Variants in SLIT3 observed in about 807,000 individuals in gnomAD.
SLIT3 encodes slit homolog 3 protein.
In SLIT3, 68 loss-of-function variants were observed where a neutral mutation model predicts 184.0. The observed-to-expected ratio is 0.37, with a 90% CI of 0.30 to 0.45. The LOEUF is 0.45. SLIT3 is among the 20% of genes least tolerant of loss of function. The pLI, the probability that SLIT3 is intolerant of heterozygous loss-of-function variation, is 1.00. For missense variants in SLIT3, 1,707 were observed against 2,026.0 expected (o/e 0.84, Z 3.02); for synonymous variants, 831 against 828.6 (o/e 1.00, Z -0.05).
chr5:169,186,823 A>G (rs928336332), intron 4 of SLIT3, among the ~76,000 whole-genome samples: 3 of 151,630 alleles, frequency 2.0e-5, no homozygotes, highest in Non-Finnish European at 4.4e-5. Flanking sequence ...TGGAAGCTGG[A>G]GTCTAGCAGC....
At chr5:169,110,483 T>C (rs1004844036) in intron 4 of SLIT3, among the ~76,000 whole-genome samples, 1 of 152,120 alleles carries the variant, frequency 6.6e-6, no homozygotes, top group African/African-American at 2.4e-5. Flanking sequence ...ACTTTAGGTG[T>C]TCGTTGTCTT....
intron 4 of SLIT3, among the ~76,000 whole-genome samples, chr5:169,162,953 G>A (rs1762524591): frequency 6.6e-6 from 1 of 152,116 alleles, no homozygotes; most frequent in South Asian, 2.1e-4. Context: ...AGAGAATGGG[G>A]AACTTGAACC....
intron 8 of SLIT3, among the ~76,000 whole-genome samples, chr5:168,811,451 T>C (rs1018814894): frequency 1.3e-5 from 2 of 152,214 alleles, no homozygotes; most frequent in Admixed American, 6.5e-5. Context: ...TGTGCTCTTC[T>C]TTCTGTCTGC....
At position 168,950,870 on chromosome 5, in the gene SLIT3, C is replaced by T. The variant is rs144831162; in HGVS notation, c.414-67534G>A. On this transcript the variant is annotated intron_variant, in intron 4 of 35. Transcript: ENST00000519560. ...TGCCTCTCATGGCTCAGCACAGTGT[C>T]GGATTCCATAAGTTGCATACTAGCC... is the stretch of plus-strand genomic sequence containing the variant. Among the ~76,000 whole-genome samples, 9 of 152,300 alleles carry T rather than the reference C, an allele frequency of 5.9e-5. No homozygotes were observed. In the East Asian group the frequency reaches 7.7e-4, roughly 13 times the overall value.
intron 16 of SLIT3, among the ~76,000 whole-genome samples, chr5:168,759,422 GCT>G (rs965911390): frequency 1.1e-4 from 16 of 152,168 alleles, no homozygotes; most frequent in African/African-American, 3.6e-4. Context: ...TAATAAAACT[GCT>G]CTCACGCACA....
chr5:169,099,314 G>T (rs1330416035), intron 4 of SLIT3, among the ~76,000 whole-genome samples: 2 of 152,004 alleles, frequency 1.3e-5, no homozygotes. Flanking sequence ...ATGGTCTCAG[G>T]GTATCTCTGG....
intron 6 of SLIT3, among the ~76,000 whole-genome samples, chr5:168,825,810 G>A: frequency 6.6e-6 from 1 of 152,162 alleles, no homozygotes; most frequent in Non-Finnish European, 1.5e-5. Context: ...GCTTCCTGGG[G>A]GTGAGGGCTA....
At chr5:168,695,934 G>A (rs941989858) in intron 28 of SLIT3, among the ~76,000 whole-genome samples, 2 of 152,160 alleles carry the variant, frequency 1.3e-5, no homozygotes, top group African/African-American at 2.4e-5. Flanking sequence ...TTCAAGAGAC[G>A]GTTGACTAGA....
chr5:168,692,620 C>T lies in SLIT3; in HGVS notation c.3163G>A (p.Asp1055Asn), dbSNP rs368744337. The change falls in exon 29 of 36, where the codon GAC becomes AAC. Residue 1055 changes from aspartate (D) to asparagine (N), a missense_variant. Physicochemically the swap from Asp to Asn is conservative, Grantham distance 23. Around this residue, in one of 3 missense-constraint regions of SLIT3, gnomAD observed 1,307 missense variants for 1,511.6 expected, o/e 0.86. Coordinates refer to ENST00000519560, the MANE Select transcript of SLIT3 (RefSeq NM_003062.4). The part of the protein sequence containing the change: ...CQHEAKCIPL[D>N]KGFSCECVPG... ...GCCAGGTCTTACCTGAATCCTTTGTCCAGGGGGATGCACTTGGCCTCATGC... is the reference window on the plus strand; with the variant it reads ...GCCAGGTCTTACCTGAATCCTTTGTTCAGGGGGATGCACTTGGCCTCATGC... 2 of 1,613,466 alleles carry T rather than the reference C, an allele frequency of 1.2e-6. No individual in the cohort carries two copies. Among genetic ancestry groups the T allele is most frequent in the Non-Finnish European group, 8.5e-7 (1 of 1,179,644 alleles).
At chr5:168,883,180 C>T in intron 5 of SLIT3, 85 bp downstream of exon 5, 1 of 1,070,434 alleles carries the variant, frequency 9.3e-7, no homozygotes, top group Non-Finnish European at 1.4e-6. Context: ...CCTGGACCAC[C>T]CTCTTGTCCC....
chr5:168,901,674 G>A (rs376009377), intron 4 of SLIT3, among the ~76,000 whole-genome samples: 7 of 152,268 alleles, frequency 4.6e-5, no homozygotes, highest in Admixed American at 3.9e-4. Flanking sequence ...AAAAGGACTC[G>A]CCCAAAGTCA....
intron 12 of SLIT3, among the ~76,000 whole-genome samples, chr5:168,779,211 C>T (rs944028086): frequency 5.3e-5 from 8 of 152,176 alleles, no homozygotes; most frequent in African/African-American, 7.2e-5. Context: ...TTTGGACTCA[C>T]GACATCATAG....
chr5:168,668,384 AG>A (rs946444987), intron 35 of SLIT3, among the ~76,000 whole-genome samples: 11 of 152,064 alleles, frequency 7.2e-5, no homozygotes, highest in African/African-American at 2.7e-4. Flanking sequence ...GGTCAATGTC[AG>A]GGGGCCACTC....
intron 8 of SLIT3, among the ~76,000 whole-genome samples, chr5:168,814,309 T>C (rs1757258622): frequency 6.6e-6 from 1 of 152,106 alleles, no homozygotes; most frequent in African/African-American, 2.4e-5. Context: ...GGCAGGAGAA[T>C]TGCTTGAACC....
chr5:169,300,745 C>T lies in SLIT3; in HGVS notation c.-36G>A, dbSNP rs1561794559. The T allele has an allele frequency of 1.1e-5, 14 of 1,289,604 alleles. No homozygotes were observed. The highest frequency in any genetic ancestry group is 1.4e-5 in the Non-Finnish European group (14 of 1,020,984). The allele number at this position is 1,289,604 out of a possible 1,614,324, so 79.9% of individuals were successfully genotyped here. ...GCCCCGCTCCTGGAGGAGGCTGCCT[C>T]TGCGGGGCAAGACGCGTGGAGCCCG... On this transcript the variant is annotated 5_prime_UTR_variant, in exon 1 of 36. Transcript: ENST00000519560. This position sits in a 1 kb window ranked among gnomAD's most constrained non-coding sequence, Gnocchi z 4.1.
At chr5:169,076,994 C>G (rs934344128) in intron 4 of SLIT3, among the ~76,000 whole-genome samples, 6 of 151,948 alleles carry the variant, frequency 3.9e-5, no homozygotes, top group African/African-American at 1.4e-4. Context: ...GAGGGATAAA[C>G]AGTTGACCCT....
chr5:169,267,002 A>G (rs538675636), intron 1 of SLIT3, among the ~76,000 whole-genome samples: 1 of 152,206 alleles, frequency 6.6e-6, no homozygotes, highest in Non-Finnish European at 1.5e-5. Flanking sequence ...GGTCCAAATA[A>G]CTTTCTGCTA....
intron 8 of SLIT3, among the ~76,000 whole-genome samples, chr5:168,808,455 T>C (rs545666245): frequency 2.0e-5 from 3 of 152,330 alleles, no homozygotes; most frequent in Non-Finnish European, 2.9e-5. Flanking sequence ...AAAATAACAA[T>C]ACTTATTTCA....
chr5:168,665,739 G>C lies in SLIT3; in HGVS notation c.*715C>G, dbSNP rs942923369. On this transcript the variant is annotated 3_prime_UTR_variant, in exon 36 of 36. Coordinates refer to ENST00000519560, the MANE Select transcript of SLIT3 (RefSeq NM_003062.4). ...TACGGAAGCCAGGGCCACCCAGGAA[G>C]GAGAAGAGGGGTCCCCCAGTGGGTT... 1 of 149,810 alleles carries C rather than the reference G, an allele frequency of 6.7e-6. No homozygotes were observed. The highest frequency in any genetic ancestry group is 1.5e-5 in the Non-Finnish European group (1 of 68,458). 9.3% of individuals were successfully genotyped at this position (149,810 alleles called of 1,614,324 possible). A position where few individuals can be genotyped will look rare whatever the true frequency, so the allele number is the denominator to read the frequency against.
Sources: allele counts gnomAD v4.1 joint callset (sites outside exome capture counted in the v4.1 genomes callset), GRCh38; gene constraint gnomAD v4.1.1; regional missense constraint gnomAD v4.1.1; non-coding constraint Gnocchi (gnomAD v3.1); transcripts MANE v1.5; gene names NCBI Gene and HGNC (gene_info 2026-07-23, HGNC 2026-07-21).